The following PRKCQ variants were observed in gnomAD, a reference collection of about 807,000 sequenced individuals.
PRKCQ encodes the protein protein kinase C theta type.
A neutral mutation model predicts 91.2 loss-of-function variants in PRKCQ; 41 were observed. The ratio of observed to expected loss-of-function variants is 0.45; its 90% CI spans 0.35 to 0.58. PRKCQ has a LOEUF of 0.58. PRKCQ is among the 20% of genes least tolerant of loss of function. The pLI is 0.00. For synonymous variants in PRKCQ, 307 were observed against 316.9 expected (o/e 0.97, Z 0.33); for missense variants, 673 against 896.5 (o/e 0.75, Z 3.18).
At chr10:6,479,648 G>A (rs536311227) in intron 11 of PRKCQ, among the ~76,000 whole-genome samples, 182 of 151,790 alleles carry the variant, frequency 1.2e-3, no homozygotes, top group African/African-American at 4.3e-3. Flanking sequence ...AATAAACACC[G>A]GCCAGGTGCG....
intron 1 of PRKCQ, among the ~76,000 whole-genome samples, chr10:6,532,019 C>T (rs561989368): frequency 1.3e-5 from 2 of 152,266 alleles, no homozygotes; most frequent in African/African-American, 2.4e-5. Context: ...TTGACTCTTC[C>T]AGGCATCACT....
chr10:6,407,850 A>G, the PRKCQ span, among the ~76,000 whole-genome samples: 2 of 152,166 alleles, frequency 1.3e-5, no homozygotes, highest in Admixed American at 6.5e-5. The surrounding 1 kb of genome is among the most constrained non-coding windows in gnomAD (Gnocchi z 4.0). Flanking sequence ...CCCATATATC[A>G]TATCATTTTA....
intron 1 of PRKCQ, among the ~76,000 whole-genome samples, chr10:6,547,354 A>C (rs1212059179): frequency 1.3e-5 from 2 of 151,500 alleles, no homozygotes; most frequent in Non-Finnish European, 3.0e-5. Context: ...GCTACCAATG[A>C]CTTTCTTCAC....
chr10:6,414,961 TTTTAA>T, the PRKCQ span, among the ~76,000 whole-genome samples: 7 of 152,024 alleles, frequency 4.6e-5, no homozygotes, highest in Admixed American at 1.3e-4. Context: ...TATTTTTTAA[TTTTAA>T]TTTAATTTTT....
chr10:6,419,657 C>A, the PRKCQ span, among the ~76,000 whole-genome samples: 2,157 of 149,738 alleles, frequency 0.014, 38 homozygotes, highest in Middle Eastern at 0.043. Context: ...ATCACCCACT[C>A]TCAAATCTCT....
Position 6,479,115 on chromosome 10 carries a change from G to A in PRKCQ, c.1230C>T (p.Ala410=), listed in dbSNP as rs761256649. The change falls in exon 12 of 18, where the codon GCC becomes GCT. Residue 410 remains alanine, a synonymous_variant. Transcript: ENST00000263125. ...CCATCAAGACCACATCTTTCTTTAAGGCCTTTATTGCGAAAAATTGATTGG... is the reference window on the plus strand; with the variant it reads ...CCATCAAGACCACATCTTTCTTTAAAGCCTTTATTGCGAAAAATTGATTGG... ...KKTNQFFAIK[A]LKKDVVLMDD... 5 of 1,614,150 alleles carry A rather than the reference G, an allele frequency of 3.1e-6. No homozygotes were observed. Among genetic ancestry groups the A allele is most frequent in the Non-Finnish European group, 4.2e-6 (5 of 1,180,024 alleles).
At chr10:6,514,845 A>G (rs1338348346) in intron 2 of PRKCQ, among the ~76,000 whole-genome samples, 173 bp downstream of exon 2, 1 of 152,142 alleles carries the variant, frequency 6.6e-6, no homozygotes, top group Non-Finnish European at 1.5e-5. Flanking sequence ...AGAGTCCATC[A>G]CGAAATGTGT....
intron 1 of PRKCQ, among the ~76,000 whole-genome samples, chr10:6,579,691 C>T (rs1199283642): frequency 6.6e-6 from 1 of 151,718 alleles, no homozygotes; most frequent in African/African-American, 2.4e-5. Context: ...CCTGCCTCCC[C>T]CTCCCCCAGG....
the PRKCQ span, among the ~76,000 whole-genome samples, chr10:6,418,454 T>C: frequency 2.6e-5 from 4 of 152,122 alleles, no homozygotes; most frequent in Admixed American, 2.6e-4. Context: ...TTTGTTTCCA[T>C]CCTTTCCTCC....
intron 16 of PRKCQ, among the ~76,000 whole-genome samples, chr10:6,434,010 G>C (rs1055416598): frequency 2.8e-5 from 4 of 140,624 alleles, no homozygotes; most frequent in Admixed American, 2.1e-4. Context: ...CTCCAGCCTG[G>C]GCAACAGAGC....
chr10:6,483,598 G>A lies in PRKCQ; in HGVS notation c.1021C>T (p.Pro341Ser), dbSNP rs755280707. The change falls in exon 11 of 18, where the codon CCT (proline) becomes TCT (serine). Residue 341 changes from proline to serine, a missense_variant and splice_region_variant. Physicochemically the swap from Pro to Ser is moderately conservative, Grantham distance 74. Transcript: ENST00000263125. ...GGAGACTCCCAGGAAATGCCCTGAG[G>A]CTCTGAAAATGCAAGCTGGTGGTTA... is the stretch of plus-strand genomic sequence containing the variant. ...PCLPTPGKRE[P>S]QGISWESPLD... 9.3e-6 allele frequency: 15 copies of A among 1,613,400 alleles called. No individual in the cohort carries two copies. The highest frequency in any genetic ancestry group is 1.2e-5 in the Non-Finnish European group (14 of 1,179,878).
At position 6,490,565 on chromosome 10, in the gene PRKCQ, A is replaced by T. The variant is rs1449547096; in HGVS notation, c.790+1118T>A. Among the ~76,000 whole-genome samples, 5 of 148,122 alleles carry T rather than the reference A, an allele frequency of 3.4e-5. No individual in the cohort carries two copies. In the East Asian group the frequency reaches 9.7e-4, roughly 29 times the overall value. On this transcript the variant is annotated intron_variant, in intron 8 of 17. Transcript: ENST00000263125. The stretch of plus-strand genomic sequence containing the variant: ...ACATAGCAAGACCATACCTCTAAAA[A>T]AAAAAAAAAACAAAGAAAAACAAAA...
At chr10:6,537,368 C>T (rs1382882451) in intron 1 of PRKCQ, among the ~76,000 whole-genome samples, 1 of 152,092 alleles carries the variant, frequency 6.6e-6, no homozygotes, top group African/African-American at 2.4e-5. Flanking sequence ...TTAATGCCAC[C>T]ATCTTGTGAC....
rs1486044602 is a variant in PRKCQ at position 6,430,001 on chromosome 10, C to T, written c.1965+809G>A. ...TCCCGAGTAGCCAGGATTATAGGCG[C>T]CCGCAACCATGCCCAGCTAATTTTT... is the stretch of plus-strand genomic sequence containing the variant. On this transcript the variant is annotated intron_variant, in intron 17 of 17. Transcript: ENST00000263125. The surrounding 1 kb of genome is among the most constrained non-coding windows in gnomAD (Gnocchi z 4.7). Among the ~76,000 whole-genome samples, 2 of 152,148 alleles carry T rather than the reference C, an allele frequency of 1.3e-5. No individual in the cohort carries two copies. Among genetic ancestry groups the T allele is most frequent in the Non-Finnish European group, 2.9e-5 (2 of 68,024 alleles).
At chr10:6,404,251 G>GT in the PRKCQ span, among the ~76,000 whole-genome samples, 1 of 14,970 alleles carries the variant, frequency 6.7e-5, no homozygotes. Context: ...GAGAGAAGGG[G>GT]GGGGGAGAGA....
chr10:6,558,586 T>C (rs1243054831), intron 1 of PRKCQ, among the ~76,000 whole-genome samples: 1 of 152,172 alleles, frequency 6.6e-6, no homozygotes, highest in Non-Finnish European at 1.5e-5. Context: ...AACATGAAGA[T>C]CTGAGAAGTG....
At chr10:6,454,319 C>T (rs905351748) in intron 15 of PRKCQ, among the ~76,000 whole-genome samples, 24 of 152,112 alleles carry the variant, frequency 1.6e-4, no homozygotes, top group Middle Eastern at 3.4e-3. Context: ...AAGGGTGTCA[C>T]CAAGAGCCAG....
chr10:6,450,709 A>C (rs1834619967), intron 15 of PRKCQ, among the ~76,000 whole-genome samples: 1 of 152,192 alleles, frequency 6.6e-6, no homozygotes, highest in Admixed American at 6.5e-5. Context: ...AAAAGAACAG[A>C]AATTATAACA....
chr10:6,422,840 C>T (rs540090332), downstream of PRKCQ, among the ~76,000 whole-genome samples: 3 of 152,330 alleles, frequency 2.0e-5, no homozygotes, highest in East Asian at 5.8e-4. Context: ...CATTTCCTTC[C>T]TGTCCTCATG....
Sources: gnomAD v4.1 joint callset for allele counts (sites outside exome capture counted in the v4.1 genomes callset) on GRCh38, gnomAD v4.1.1 for gene constraint, Gnocchi (gnomAD v3.1) non-coding constraint, MANE v1.5 for transcripts, NCBI Gene and HGNC (gene_info 2026-07-23, HGNC 2026-07-21) for gene names.